The following EFR3A variants were observed in gnomAD, a reference collection of about 807,000 sequenced individuals.
EFR3A encodes EFR3 homolog A, also known as protein EFR3 homolog A.
In EFR3A, 76 loss-of-function variants were observed where a neutral mutation model predicts 104.4. The observed-to-expected ratio is 0.73, with a 90% CI of 0.60 to 0.88. The LOEUF is 0.88. Ranked by LOEUF, EFR3A falls within the 40% of genes least tolerant of loss-of-function variation. The pLI, the probability that EFR3A is intolerant of heterozygous loss-of-function variation, is 0.00. For missense variants in EFR3A, 985 were observed against 1,012.5 expected (o/e 0.97, Z 0.37); for synonymous variants, 330 against 330.0 (o/e 1.00, Z 0.00).
At chr8:131,927,547 T>C (rs1053463185) in intron 1 of EFR3A, among the ~76,000 whole-genome samples, 3 of 149,764 alleles carry the variant, frequency 2.0e-5, no homozygotes, top group African/African-American at 7.3e-5. Flanking sequence ...GGTGCTAATA[T>C]GATTTTAGAC....
chr8:131,960,471 T>C (rs912769352), intron 8 of EFR3A, among the ~76,000 whole-genome samples: 1 of 152,174 alleles, frequency 6.6e-6, no homozygotes, highest in Non-Finnish European at 1.5e-5. Context: ...ATTTTACTAT[T>C]GTTTTATGAC....
At chr8:131,956,874 T>A (rs115775874) in intron 7 of EFR3A, among the ~76,000 whole-genome samples, 3,108 of 152,232 alleles carry the variant, frequency 0.02, 47 homozygotes, top group South Asian at 0.042. Flanking sequence ...TTACACCAAA[T>A]ATACTAAAGG....
At chr8:131,906,369 G>A (rs757968953) in intron 1 of EFR3A, among the ~76,000 whole-genome samples, 1 of 152,186 alleles carries the variant, frequency 6.6e-6, no homozygotes, top group Non-Finnish European at 1.5e-5. Flanking sequence ...TTGTTTTAAT[G>A]TTAAATGGTT....
chr8:132,010,714 A>G (rs1822299637), intron 22 of EFR3A, 76 bp from the exon 23 acceptor site: 2 of 1,518,248 alleles, frequency 1.3e-6, no homozygotes, highest in African/African-American at 1.4e-5. Flanking sequence ...ATATTCGCAG[A>G]TAGTAGATAG....
intron 1 of EFR3A, among the ~76,000 whole-genome samples, chr8:131,915,850 A>G (rs1314940756): frequency 1.3e-5 from 2 of 152,216 alleles, no homozygotes; most frequent in Non-Finnish European, 2.9e-5. Flanking sequence ...ACACCTGCGC[A>G]TGGTAATTTT....
intron 20 of EFR3A, 32 bp downstream of exon 20, chr8:132,001,839 A>G: frequency 3.8e-6 from 6 of 1,568,082 alleles, no homozygotes; most frequent in Non-Finnish European, 5.3e-6. Context: ...AGTACTACCA[A>G]TATTTAACTT....
chr8:131,977,217 ATGTT>A, intron 12 of EFR3A, 125 bp downstream of exon 12: 1 of 597,652 alleles, frequency 1.7e-6, no homozygotes, highest in Non-Finnish European at 2.7e-6. Context: ...GTATTTTATT[ATGTT>A]CTTCATTTTA....
intron 22 of EFR3A, among the ~76,000 whole-genome samples, chr8:132,004,215 C>G (rs1398438322): frequency 6.6e-6 from 1 of 152,162 alleles, no homozygotes; most frequent in Non-Finnish European, 1.5e-5. Flanking sequence ...AACAGAAAAT[C>G]AGACTAAAAT....
chr8:131,906,064 T>C (rs1816248119), intron 1 of EFR3A, among the ~76,000 whole-genome samples: 1 of 152,190 alleles, frequency 6.6e-6, no homozygotes, highest in African/African-American at 2.4e-5. Context: ...ATTGTTAATA[T>C]TTGTCATGGT....
At chr8:131,994,054 A>T (rs1821351212) in intron 18 of EFR3A, among the ~76,000 whole-genome samples, 1 of 152,058 alleles carries the variant, frequency 6.6e-6, no homozygotes, top group Non-Finnish European at 1.5e-5. Context: ...GTGTATAACA[A>T]ACCTGCGCAT....
At chr8:131,997,366 C>T (rs1821549466) in intron 19 of EFR3A, among the ~76,000 whole-genome samples, 1 of 152,040 alleles carries the variant, frequency 6.6e-6, no homozygotes, top group African/African-American at 2.4e-5. Flanking sequence ...CTCCCTCCTA[C>T]CCCCTTACAA....
chr8:131,961,896 G>A (rs1184810947), intron 8 of EFR3A, among the ~76,000 whole-genome samples: 2 of 152,154 alleles, frequency 1.3e-5, no homozygotes, highest in East Asian at 1.9e-4. Flanking sequence ...GAGAGTGGGG[G>A]CCAATATTCA....
At chr8:131,982,376 G>A (rs7844543) in intron 14 of EFR3A, among the ~76,000 whole-genome samples, 6,272 of 152,004 alleles carry the variant, frequency 0.041, 315 homozygotes, top group East Asian at 0.12. Flanking sequence ...TATACCACAA[G>A]TTTTCTTTTG....
intron 10 of EFR3A, among the ~76,000 whole-genome samples, chr8:131,972,385 G>A (rs1206491249): frequency 6.6e-6 from 1 of 150,788 alleles, no homozygotes; most frequent in Non-Finnish European, 1.5e-5. Context: ...GTGGATAGTA[G>A]TATTAGAGAC....
At chr8:131,956,614 T>G (rs559686850) in intron 7 of EFR3A, among the ~76,000 whole-genome samples, 142 of 152,308 alleles carry the variant, frequency 9.3e-4, no homozygotes, top group African/African-American at 3.3e-3. Context: ...AATAGTGGCT[T>G]TATAGAATAT....
chr8:131,907,114 A>T (rs1586507936), intron 1 of EFR3A, among the ~76,000 whole-genome samples: 2 of 152,188 alleles, frequency 1.3e-5, no homozygotes, highest in African/African-American at 4.8e-5. Flanking sequence ...CACTAAATTG[A>T]TAATAGTTTA....
intron 1 of EFR3A, among the ~76,000 whole-genome samples, chr8:131,936,538 GTCTC>G (rs1332346949): frequency 2.0e-5 from 3 of 151,462 alleles, no homozygotes; most frequent in Admixed American, 1.3e-4. Context: ...TGCTCTCTCT[GTCTC>G]TCTGTCTCTG....
chr8:131,997,687 C>G (rs1325944758), intron 19 of EFR3A, among the ~76,000 whole-genome samples: 1 of 152,000 alleles, frequency 6.6e-6, no homozygotes, highest in African/African-American at 2.4e-5. Context: ...CTAGTTCTGT[C>G]TTTTAATGAT....
chr8:131,936,596 C>G (rs1175526204), intron 1 of EFR3A, among the ~76,000 whole-genome samples: 1 of 152,050 alleles, frequency 6.6e-6, no homozygotes, highest in African/African-American at 2.4e-5. Context: ...GTTGTTTTAC[C>G]TGTGCTTCTG....
Sources: gnomAD v4.1 joint callset for allele counts (sites outside exome capture counted in the v4.1 genomes callset) on GRCh38, gnomAD v4.1.1 for gene constraint, MANE v1.5 for transcripts, NCBI Gene and HGNC (gene_info 2026-07-23, HGNC 2026-07-21) for gene names.